The following CDK16 variants were observed in gnomAD, a reference collection of about 807,000 sequenced individuals.
The protein encoded by CDK16 is cyclin-dependent kinase 16.
CDK16 carries 2 observed loss-of-function variants against 41.6 expected under a neutral mutation model. The ratio of observed to expected loss-of-function variants is 0.05; its 90% CI spans 0.02 to 0.15. The LOEUF is 0.15. CDK16 is among the 10% of genes least tolerant of loss of function. The pLI, the probability that CDK16 is intolerant of heterozygous loss-of-function variation, is 1.00. For synonymous variants in CDK16, 169 were observed against 169.7 expected (o/e 1.00, Z 0.03); for missense variants, 228 against 428.9 (o/e 0.53, Z 4.14).
At chrX:47,222,954 C>G in intron 1 of CDK16, 2 of 688,624 alleles carry the variant, frequency 2.9e-6, no homozygotes, top group Non-Finnish European at 3.8e-6. Flanking sequence ...ACACACGCTC[C>G]CCTCCCCCCC....
At position 47,223,642 on chromosome X, in the gene CDK16, G is replaced by A. The variant is rs1435047610; in HGVS notation, c.85G>A (p.Glu29Lys). 4.1e-6 allele frequency: 5 copies of A among 1,209,659 alleles called. No homozygotes were observed. The highest frequency in any genetic ancestry group is 4.5e-6 in the Non-Finnish European group (4 of 894,924). ...RGIDKTNGAP[E>K]QIGLDESGGG... ...CATAGACAAGACCAATGGTGCCCCT[G>A]AGCAGATAGGCCTGGATGAGAGTGG... The change falls in exon 2 of 16, where the codon GAG (glutamate) becomes AAG (lysine). Residue 29 changes from glutamate to lysine, a missense_variant. Glu to Lys is a moderately conservative substitution (Grantham distance 56). Around this residue, in one of 3 missense-constraint regions of CDK16, gnomAD observed 71 missense variants for 102.2 expected, o/e 0.69. Coordinates refer to ENST00000357227, the MANE Select transcript of CDK16 (RefSeq NM_006201.5).
chrX:47,218,437 A>G (rs1556795890), upstream of CDK16: 1 of 463,032 alleles, frequency 2.2e-6, no homozygotes, highest in African/African-American at 2.5e-5. Flanking sequence ...ATGGGGATGT[A>G]CCAAGTGAGA....
chrX:47,228,715 C>T lies in CDK16; in HGVS notation c.1454-16C>T. 5.8e-6 allele frequency: 7 copies of T among 1,209,776 alleles called. No homozygotes were observed. The highest frequency in any genetic ancestry group is 7.8e-6 in the Non-Finnish European group (7 of 894,015). ...GCTTACCCACCAACAGCCATCTGCT[C>T]TGCTTTCCCCCACAGGCAGGCCAGC... On this transcript the variant is annotated splice_polypyrimidine_tract_variant and intron_variant, in intron 15 of 15. Transcript: ENST00000357227.
intron 6 of CDK16, among the ~76,000 whole-genome samples, chrX:47,225,507 T>C (rs755117436): frequency 3.6e-5 from 4 of 111,548 alleles, no homozygotes; most frequent in Non-Finnish European, 7.5e-5. Flanking sequence ...GTTGTGAAAA[T>C]CTAGTGTCAC....
intron 1 of CDK16, chrX:47,223,115 C>T: frequency 1.7e-6 from 2 of 1,156,762 alleles, no homozygotes; most frequent in Admixed American, 5.2e-5. Flanking sequence ...TATGGCCGTG[C>T]TCGAGACCAT....
At chrX:47,226,074 C>T in intron 8 of CDK16, 47 bp downstream of exon 8, 8 of 1,141,247 alleles carry the variant, frequency 7.0e-6, no homozygotes, top group Non-Finnish European at 9.5e-6. Flanking sequence ...CCCCACTCAC[C>T]CACTCCAACC....
In CDK16 at chrX:47,224,880, A is replaced by G; in HGVS notation, c.509A>G (p.Lys170Arg). 3.3e-6 allele frequency: 4 copies of G among 1,211,596 alleles called. No homozygotes were observed. Among genetic ancestry groups the G allele is most frequent in the Non-Finnish European group, 4.5e-6 (4 of 895,456 alleles). ...GKLETYIKLD[K>R]LGEGTYATVY... Reference sequence around the variant, plus strand: ...CTGGAGACCTACATTAAGCTGGACAAACTGGGCGAGGTGAGAGGCAAATAG... The same window carrying G: ...CTGGAGACCTACATTAAGCTGGACAGACTGGGCGAGGTGAGAGGCAAATAG... The change falls in exon 5 of 16, where the codon AAA becomes AGA. Residue 170 changes from lysine to arginine, a missense_variant. Lys to Arg is a conservative substitution (Grantham distance 26). Transcript: ENST00000357227.
Position 47,228,947 on chromosome X carries a change from T to C in CDK16, c.*179T>C, listed in dbSNP as rs1244797940. On this transcript the variant is annotated 3_prime_UTR_variant, in exon 16 of 16. Transcript: ENST00000357227. The stretch of plus-strand genomic sequence containing the variant: ...CACCATTGGCCTGTCAACCCACCCA[T>C]TGGCCTGTCTGCTGGGTGCTAACAA... The C allele has an allele frequency of 1.2e-5, 6 of 518,856 alleles. No homozygotes were observed. The highest frequency in any genetic ancestry group is 7.6e-5 in the South Asian group (3 of 39,616). 42.8% of individuals were successfully genotyped at this position (518,856 alleles called of 1,213,427 possible). A position where few individuals can be genotyped will look rare whatever the true frequency, so the allele number is the denominator to read the frequency against.
Position 47,229,229 on chromosome X carries a change from T to C in CDK16, c.*461T>C, listed in dbSNP as rs1476792878. On this transcript the variant is annotated 3_prime_UTR_variant, in exon 16 of 16. Transcript: ENST00000357227. ...TCCTGCCTGCCCCACCTGCCTCATA[T>C]TGTGTGGGCCTTTTTTTGTTTGTTT... The C allele has an allele frequency of 4.1e-6, 1 of 241,531 alleles. No individual in the cohort carries two copies. Among genetic ancestry groups the C allele is most frequent in the East Asian group, 1.1e-4 (1 of 9,084 alleles). The allele number at this position is 241,531 out of a possible 1,213,427, so 19.9% of individuals were successfully genotyped here. A position where few individuals can be genotyped will look rare whatever the true frequency, so the allele number is the denominator to read the frequency against.
chrX:47,225,811 C>A lies in CDK16; in HGVS notation c.674C>A (p.Thr225Lys). 8.3e-7 allele frequency: 1 copy of A among 1,210,826 alleles called. No individual in the cohort carries two copies. ...GACCTCAAACACGCCAACATCGTTA[C>A]GCTACATGACATTATCCACACGGAG... The part of the protein sequence containing the change: ...LKDLKHANIV[T>K]LHDIIHTEKS... The change falls in exon 7 of 16, where the codon ACG becomes AAG. Residue 225 changes from threonine to lysine, a missense_variant. Physicochemically the swap from Thr to Lys is moderately conservative, Grantham distance 78. Around this residue, in one of 3 missense-constraint regions of CDK16, gnomAD observed 66 missense variants for 197.2 expected, o/e 0.33. Coordinates refer to ENST00000357227, the MANE Select transcript of CDK16 (RefSeq NM_006201.5).
Position 47,225,857 on chromosome X carries a change from T to C in CDK16, c.720T>C (p.Phe240=), listed in dbSNP as rs755422558. 1.7e-6 allele frequency: 2 copies of C among 1,205,020 alleles called. No individual in the cohort carries two copies. Among genetic ancestry groups the C allele is most frequent in the Non-Finnish European group, 2.2e-6 (2 of 889,401 alleles). The part of the protein sequence containing the change: ...IHTEKSLTLV[F]EYLDKDLKQY... ...CGGAGAAGTCCCTCACCCTTGTCTT[T>C]GAGTACCTGGTAAGGTTGAGTGGCA... Residue 240 remains phenylalanine (F), a synonymous_variant, in exon 7 of 16, where the codon TTT becomes TTC. Transcript: ENST00000357227.
chrX:47,224,299 G>A (rs1171060871), intron 2 of CDK16, 86 bp from the exon 3 acceptor site: 4 of 1,027,668 alleles, frequency 3.9e-6, no homozygotes, highest in Non-Finnish European at 5.2e-6. Flanking sequence ...ACACATGTGT[G>A]ATGATGGAAT....
At chrX:47,226,094 C>T in intron 8 of CDK16, 67 bp downstream of exon 8, 1 of 1,135,554 alleles carries the variant, frequency 8.8e-7, no homozygotes. Context: ...CCACAAATCT[C>T]CCAGAAACGG....
Position 47,223,547 on chromosome X carries a change from C to T in CDK16, c.-6-5C>T. 1.7e-6 allele frequency: 2 copies of T among 1,208,671 alleles called. No individual in the cohort carries two copies. The highest frequency in any genetic ancestry group is 2.2e-6 in the Non-Finnish European group (2 of 892,921). ...GACCCATTTCCATCCTTGTCCCTTG[C>T]TCAGATCGCCATGGATCGGATGAAG... On this transcript the variant is annotated splice_region_variant and splice_polypyrimidine_tract_variant and intron_variant, in intron 1 of 15. Transcript: ENST00000357227.
At position 47,229,586 on chromosome X, in the gene CDK16, C is replaced by G. The variant is rs1005145184; in HGVS notation, c.*818C>G. The stretch of plus-strand genomic sequence containing the variant: ...GACAAGGTGGGGGGCCCCACTCTTT[C>G]TCTCCTGCAGTCCCGTAGCTGGGGC... On this transcript the variant is annotated 3_prime_UTR_variant, in exon 16 of 16. Coordinates refer to ENST00000357227, the MANE Select transcript of CDK16 (RefSeq NM_006201.5). 4 of 231,560 alleles carry G rather than the reference C, an allele frequency of 1.7e-5. No homozygotes were observed. The highest frequency in any genetic ancestry group is 3.2e-5 in the Non-Finnish European group (4 of 123,155). The allele number at this position is 231,560 out of a possible 1,213,427, so 19.1% of individuals were successfully genotyped here.
chrX:47,229,574 GC>G lies in CDK16; in HGVS notation c.*810del, dbSNP rs1339458217. The G allele has an allele frequency of 9.1e-6, 2 of 220,026 alleles. No homozygotes were observed. The highest frequency in any genetic ancestry group is 6.0e-5 in the African/African-American group (2 of 33,233). The allele number at this position is 220,026 out of a possible 1,213,427, so 18.1% of individuals were successfully genotyped here. ...CTCTGGGAAATGGACAAGGTGGGGGGCCCCACTCTTTCTCTCCTGCAGTCCC... is the reference window on the plus strand; with the variant it reads ...CTCTGGGAAATGGACAAGGTGGGGGGCCCACTCTTTCTCTCCTGCAGTCCC... On this transcript the variant is annotated 3_prime_UTR_variant, in exon 16 of 16. Coordinates refer to ENST00000357227, the MANE Select transcript of CDK16 (RefSeq NM_006201.5).
rs771912390 is a variant in CDK16, at chrX:47,223,767, C to G, written c.202+8C>G. On this transcript the variant is annotated splice_region_variant and intron_variant, in intron 2 of 15. Transcript: ENST00000357227. ...CACTCAGCTCTGCACCAGGTGGGTC[C>G]ACTGGCTATCCCCTCTCCCATATGG... 140 of 1,193,159 alleles carry G rather than the reference C, an allele frequency of 1.2e-4. No individual in the cohort carries two copies. The South Asian group carries it at 2.5e-3, about 21-fold the overall frequency.
chrX:47,219,156 C>G, intron 1 of CDK16, 51 bp downstream of exon 1: 1 of 783,749 alleles, frequency 1.3e-6, no homozygotes, highest in Non-Finnish European at 1.5e-6. Context: ...TCAGAACCCA[C>G]CTCGGGCGGT....
At position 47,226,613 on chromosome X, in the gene CDK16, A is replaced by G; in HGVS notation, c.947A>G (p.Lys316Arg). The stretch of plus-strand genomic sequence containing the variant: ...GCCCGAGCCAAGTCAATCCCAACAA[A>G]GACATACTCCAATGAGGTGGTGACA... ...GLARAKSIPT[K>R]TYSNEVVTLW... Residue 316 changes from lysine to arginine, a missense_variant, in exon 10 of 16, where the codon AAG (lysine) becomes AGG (arginine). Lys to Arg is a conservative substitution (Grantham distance 26). This residue lies in a region of CDK16 where 66 missense variants were observed against 197.2 expected (regional missense o/e 0.33). Coordinates refer to ENST00000357227, the MANE Select transcript of CDK16 (RefSeq NM_006201.5). 1.7e-6 allele frequency: 2 copies of G among 1,211,603 alleles called. No homozygotes were observed. The highest frequency in any genetic ancestry group is 2.2e-6 in the Non-Finnish European group (2 of 895,255).
Sources: allele counts gnomAD v4.1 joint callset (sites outside exome capture counted in the v4.1 genomes callset), GRCh38; gene constraint gnomAD v4.1.1; regional missense constraint gnomAD v4.1.1; transcripts MANE v1.5; gene names NCBI Gene and HGNC (gene_info 2026-07-23, HGNC 2026-07-21).